The following CCDC185 variants were observed in gnomAD, a reference collection of about 807,000 sequenced individuals.
CCDC185 encodes coiled-coil domain containing 185.
For synonymous variants in CCDC185, 381 were observed against 348.1 expected, an observed-to-expected ratio of 1.09 and a Z score of -1.05; for missense variants, 982 against 825.3, an observed-to-expected ratio of 1.19 and a Z score of -2.33.
rs1173730581 is a variant in CCDC185 at position 223,394,460 on chromosome 1, G to A, written c.985G>A (p.Gly329Ser). ...RKTLQSPEQRGLRRDSQRKNV... is the reference protein window; with the variant it reads ...RKTLQSPEQRSLRRDSQRKNV... ...GACCCTCCAGAGCCCTGAGCAGCGC[G>A]GCCTGCGGCGGGACAGCCAGAGGAA... The change falls in exon 1 of 1, where the codon GGC (glycine) becomes AGC (serine). Residue 329 changes from glycine (G) to serine (S), a missense_variant. Transcript: ENST00000366875. The A allele has an allele frequency of 1.2e-5, 19 of 1,571,926 alleles. No individual in the cohort carries two copies. Among genetic ancestry groups the A allele is most frequent in the African/African-American group, 6.8e-5 (5 of 73,978 alleles).
rs1669641464 is a variant in CCDC185 at position 223,394,899 on chromosome 1, G to A, written c.1424G>A (p.Arg475Lys). 3 of 1,614,204 alleles carry A rather than the reference G, an allele frequency of 1.9e-6. No individual in the cohort carries two copies. Among genetic ancestry groups the A allele is most frequent in the Admixed American group, 1.7e-5 (1 of 60,036 alleles). Reference sequence around the variant, plus strand: ...AGGAAGGAGCGGCAACGCGAGCTGAGGGAGAAGGCCCAGAAGGAGGAAGAG... The same window carrying A: ...AGGAAGGAGCGGCAACGCGAGCTGAAGGAGAAGGCCCAGAAGGAGGAAGAG... ...GLRKERQREL[R>K]EKAQKEEEQL... The change falls in exon 1 of 1, where the codon AGG becomes AAG. Residue 475 changes from arginine to lysine, a missense_variant. Coordinates refer to ENST00000366875, the MANE Select transcript of CCDC185 (RefSeq NM_152610.3).
rs1234809715 is a variant in CCDC185, at chr1:223,393,748, G to T, written c.273G>T (p.Arg91Ser). 1.3e-6 allele frequency: 2 copies of T among 1,565,120 alleles called. No homozygotes were observed. Among genetic ancestry groups the T allele is most frequent in the African/African-American group, 1.4e-5 (1 of 73,882 alleles). The change falls in exon 1 of 1, where the codon AGG (arginine) becomes AGT (serine). Residue 91 changes from arginine to serine, a missense_variant. Coordinates refer to ENST00000366875, the MANE Select transcript of CCDC185 (RefSeq NM_152610.3). This position sits in a 1 kb window ranked among gnomAD's most constrained non-coding sequence, Gnocchi z 4.8. ...GSRSLSDVARRPLERSRKHRP... is the reference protein window; with the variant it reads ...GSRSLSDVARSPLERSRKHRP... The stretch of plus-strand genomic sequence containing the variant: ...GAAGCCTGAGCGATGTGGCCCGCAG[G>T]CCCCTGGAACGTTCCAGGAAGCACC...
rs144726511 is a variant in CCDC185 at position 223,394,907 on chromosome 1, G to A, written c.1432G>A (p.Ala478Thr). The stretch of plus-strand genomic sequence containing the variant: ...GCGGCAACGCGAGCTGAGGGAGAAG[G>A]CCCAGAAGGAGGAAGAGCAGTTGCA... The part of the protein sequence containing the change: ...KERQRELREK[A>T]QKEEEQLQQA... Residue 478 changes from alanine (A) to threonine (T), a missense_variant, in exon 1 of 1, where the codon GCC becomes ACC. Ala to Thr is a moderately conservative substitution (Grantham distance 58, BLOSUM62 0). Transcript: ENST00000366875. 2 of 1,614,202 alleles carry A rather than the reference G, an allele frequency of 1.2e-6. No homozygotes were observed. Among genetic ancestry groups the A allele is most frequent in the Non-Finnish European group, 8.5e-7 (1 of 1,180,042 alleles).
rs1669650432 is a variant in CCDC185 at position 223,395,276 on chromosome 1, C to G, written c.1801C>G (p.Pro601Ala). ...QASRREERAP[P>A]NSSLDQMVLE... ...CTCCAGGAGAGAGGAGAGAGCGCCT[C>G]CCAACAGCTCCCTTGATCAGATGGT... Residue 601 changes from proline to alanine, a missense_variant, in exon 1 of 1, where the codon CCC becomes GCC. Pro to Ala is a conservative substitution (Grantham distance 27). Transcript: ENST00000366875. The G allele has an allele frequency of 2.5e-6, 4 of 1,568,754 alleles. No individual in the cohort carries two copies. The highest frequency in any genetic ancestry group is 2.6e-6 in the Non-Finnish European group (3 of 1,162,066).
In CCDC185 at chr1:223,395,231, T is replaced by A; in HGVS notation, c.1756T>A (p.Phe586Ile). The A allele has an allele frequency of 6.2e-7, 1 of 1,610,292 alleles. No homozygotes were observed. Among genetic ancestry groups the A allele is most frequent in the Non-Finnish European group, 8.5e-7 (1 of 1,178,774 alleles). Reference sequence around the variant, plus strand: ...AGGGAAAGACCCAAACTTCCAGGAGTTCCAGAAGCTCCCTCAGGCCTCCAG... The same window carrying A: ...AGGGAAAGACCCAAACTTCCAGGAGATCCAGAAGCTCCCTCAGGCCTCCAG... ...SQGKDPNFQE[F>I]QKLPQASRRE... Residue 586 changes from phenylalanine to isoleucine, a missense_variant, in exon 1 of 1, where the codon TTC (phenylalanine) becomes ATC (isoleucine). Transcript: ENST00000366875.
chr1:223,395,280 A>G lies in CCDC185; in HGVS notation c.1805A>G (p.Asn602Ser). 6.4e-7 allele frequency: 1 copy of G among 1,567,542 alleles called. No homozygotes were observed. Among genetic ancestry groups the G allele is most frequent in the Non-Finnish European group, 8.6e-7 (1 of 1,161,496 alleles). Residue 602 changes from asparagine (N) to serine (S), a missense_variant, in exon 1 of 1, where the codon AAC becomes AGC. By Grantham distance (46) the Asn-to-Ser change is conservative (BLOSUM62 1). Coordinates refer to ENST00000366875, the MANE Select transcript of CCDC185 (RefSeq NM_152610.3). The stretch of plus-strand genomic sequence containing the variant: ...AGGAGAGAGGAGAGAGCGCCTCCCA[A>G]CAGCTCCCTTGATCAGATGGTACTA... ...ASRREERAPP[N>S]SSLDQMVLEA...
chr1:223,393,762 C>T lies in CCDC185; in HGVS notation c.287C>T (p.Ser96Phe), dbSNP rs768406969. 11 of 1,564,610 alleles carry T rather than the reference C, an allele frequency of 7.0e-6. No homozygotes were observed. In the East Asian group the frequency reaches 2.1e-4, roughly 31 times the overall value. The stretch of plus-strand genomic sequence containing the variant: ...GTGGCCCGCAGGCCCCTGGAACGTT[C>T]CAGGAAGCACCGGCCCCGCAGCAGG... ...SDVARRPLER[S>F]RKHRPRSRRL... The change falls in exon 1 of 1, where the codon TCC becomes TTC. Residue 96 changes from serine to phenylalanine, a missense_variant. Physicochemically the swap from Ser to Phe is radical, Grantham distance 155. Coordinates refer to ENST00000366875, the MANE Select transcript of CCDC185 (RefSeq NM_152610.3). The surrounding 1 kb of genome is among the most constrained non-coding windows in gnomAD (Gnocchi z 4.8).
chr1:223,394,296 G>A lies in CCDC185; in HGVS notation c.821G>A (p.Arg274Gln), dbSNP rs1330156661. 3.7e-6 allele frequency: 6 copies of A among 1,612,804 alleles called. No homozygotes were observed. Among genetic ancestry groups the A allele is most frequent in the African/African-American group, 2.7e-5 (2 of 75,040 alleles). The change falls in exon 1 of 1, where the codon CGG becomes CAG. Residue 274 changes from arginine (R) to glutamine (Q), a missense_variant. Coordinates refer to ENST00000366875, the MANE Select transcript of CCDC185 (RefSeq NM_152610.3). Reference sequence around the variant, plus strand: ...CGTCTCAAGAAGGCCCAGAGGATACGGGAGCTGCAGCAGCAGGCGGCTAAG... The same window carrying A: ...CGTCTCAAGAAGGCCCAGAGGATACAGGAGCTGCAGCAGCAGGCGGCTAAG... ...LTRLKKAQRIRELQQQAAKAW... is the reference protein window; with the variant it reads ...LTRLKKAQRIQELQQQAAKAW...
In CCDC185 at chr1:223,394,383, G is replaced by T; in HGVS notation, c.908G>T (p.Arg303Leu). 6.4e-7 allele frequency: 1 copy of T among 1,571,622 alleles called. No homozygotes were observed. ...KVQMTLERER[R>L]LLLRQSQEQW... ...CAGATGACCCTGGAGCGGGAGCGCC[G>T]GCTGCTGCTGCGGCAGAGCCAGGAG... Residue 303 changes from arginine to leucine, a missense_variant, in exon 1 of 1, where the codon CGG becomes CTG. Arg to Leu is a moderately radical substitution (Grantham distance 102). Coordinates refer to ENST00000366875, the MANE Select transcript of CCDC185 (RefSeq NM_152610.3).
rs1669595921 is a variant in CCDC185, at chr1:223,393,418, G to GCGTCCT, written c.-55_-50dup. The GCGTCCT allele has an allele frequency of 7.2e-7, 1 of 1,390,744 alleles. No individual in the cohort carries two copies. The highest frequency in any genetic ancestry group is 1.5e-5 in the African/African-American group (1 of 65,170). The allele number at this position is 1,390,744 out of a possible 1,614,324, so 86.2% of individuals were successfully genotyped here. ...CCGGGGGGCAGGGCGGGTGTCTGCA[G>GCGTCCT]CGTCCTCGGGAGGTCTCAGGCCCCT... On this transcript the variant is annotated 5_prime_UTR_variant, in exon 1 of 1. Coordinates refer to ENST00000366875, the MANE Select transcript of CCDC185 (RefSeq NM_152610.3). The surrounding 1 kb of genome is among the most constrained non-coding windows in gnomAD (Gnocchi z 4.8).
At position 223,394,378 on chromosome 1, in the gene CCDC185, G is replaced by T. The variant is rs1220583136; in HGVS notation, c.903G>T (p.Glu301Asp). ...DQKVQMTLER[E>D]RRLLLRQSQE... ...AGGTCCAGATGACCCTGGAGCGGGA[G>T]CGCCGGCTGCTGCTGCGGCAGAGCC... Residue 301 changes from glutamate to aspartate, a missense_variant, in exon 1 of 1, where the codon GAG (glutamate) becomes GAT (aspartate). Physicochemically the swap from Glu to Asp is conservative, Grantham distance 45. Transcript: ENST00000366875. 2.5e-6 allele frequency: 4 copies of T among 1,572,974 alleles called. No individual in the cohort carries two copies. The highest frequency in any genetic ancestry group is 3.8e-5 in the Admixed American group (2 of 53,038).
Position 223,394,032 on chromosome 1 carries a change from C to T in CCDC185, c.557C>T (p.Ser186Phe), listed in dbSNP as rs1669611313. The change falls in exon 1 of 1, where the codon TCC (serine) becomes TTC (phenylalanine). Residue 186 changes from serine to phenylalanine, a missense_variant. Coordinates refer to ENST00000366875, the MANE Select transcript of CCDC185 (RefSeq NM_152610.3). ...AGACATCTAGGTCGCTGGTCCCCTT[C>T]CTCAGTTCCCTCGGAGCGGTCTTCT... ...LGRHLGRWSP[S>F]SVPSERSSVP... 6.2e-7 allele frequency: 1 copy of T among 1,614,168 alleles called. No individual in the cohort carries two copies. Among genetic ancestry groups the T allele is most frequent in the Non-Finnish European group, 8.5e-7 (1 of 1,180,038 alleles).
chr1:223,393,653 C>T lies in CCDC185; in HGVS notation c.178C>T (p.Leu60=). ...GGAGAGCGAAGCTGGGGCGTGCTGGCTGCACCCGCACTGTTCGTTCACCCC... is the reference window on the plus strand; with the variant it reads ...GGAGAGCGAAGCTGGGGCGTGCTGGTTGCACCCGCACTGTTCGTTCACCCC... ...GAESEAGACW[L]HPHCSFTPRP... Residue 60 remains leucine (L), a synonymous_variant, in exon 1 of 1, where the codon CTG becomes TTG. Coordinates refer to ENST00000366875, the MANE Select transcript of CCDC185 (RefSeq NM_152610.3). The surrounding 1 kb of genome is among the most constrained non-coding windows in gnomAD (Gnocchi z 4.8). The T allele has an allele frequency of 6.5e-7, 1 of 1,542,780 alleles. No individual in the cohort carries two copies. Among genetic ancestry groups the T allele is most frequent in the Non-Finnish European group, 8.7e-7 (1 of 1,147,970 alleles).
chr1:223,394,994 G>C lies in CCDC185; in HGVS notation c.1519G>C (p.Val507Leu), dbSNP rs2102630007. Residue 507 changes from valine to leucine, a missense_variant, in exon 1 of 1, where the codon GTG (valine) becomes CTG (leucine). Val to Leu is a conservative substitution (Grantham distance 32, BLOSUM62 1). Transcript: ENST00000366875. ...GAGGAAGATGCGCAAAAGAATTCTG[G>C]TGGAGCTGGCGGATGAGAAGATCCG... Reference protein sequence around the residue: ...EQRKMRKRILVELADEKIRQA... With the variant: ...EQRKMRKRILLELADEKIRQA... 1 of 1,614,108 alleles carries C rather than the reference G, an allele frequency of 6.2e-7. No individual in the cohort carries two copies. Among genetic ancestry groups the C allele is most frequent in the Non-Finnish European group, 8.5e-7 (1 of 1,180,012 alleles).
At position 223,395,318 on chromosome 1, in the gene CCDC185, C is replaced by T. The variant is rs112123353; in HGVS notation, c.1843C>T (p.Arg615Cys). The T allele has an allele frequency of 8.9e-4, 1,363 of 1,523,708 alleles. 11 individuals carry two copies. In the Admixed American group the frequency reaches 0.018, roughly 21 times the overall value. 94.4% of individuals were successfully genotyped at this position (1,523,708 alleles called of 1,614,324 possible). A position where few individuals can be genotyped will look rare whatever the true frequency, so the allele number is the denominator to read the frequency against. ...LDQMVLEAQL[R>C]ACQQNRGY ...TCAGATGGTACTAGAGGCCCAGCTCCGTGCCTGTCAGCAGAACAGGGGTTA... is the reference window on the plus strand; with the variant it reads ...TCAGATGGTACTAGAGGCCCAGCTCTGTGCCTGTCAGCAGAACAGGGGTTA... Residue 615 changes from arginine (R) to cysteine (C), a missense_variant, in exon 1 of 1, where the codon CGT becomes TGT. By Grantham distance (180) the Arg-to-Cys change is radical. Coordinates refer to ENST00000366875, the MANE Select transcript of CCDC185 (RefSeq NM_152610.3).
rs1307945570 is a variant in CCDC185, at chr1:223,393,539, G to A, written c.64G>A (p.Gly22Ser). 3 of 1,555,546 alleles carry A rather than the reference G, an allele frequency of 1.9e-6. No individual in the cohort carries two copies. Among genetic ancestry groups the A allele is most frequent in the African/African-American group, 2.8e-5 (2 of 71,628 alleles). The change falls in exon 1 of 1, where the codon GGC becomes AGC. Residue 22 changes from glycine to serine, a missense_variant. Gly to Ser is a moderately conservative substitution (Grantham distance 56). Coordinates refer to ENST00000366875, the MANE Select transcript of CCDC185 (RefSeq NM_152610.3). The surrounding 1 kb of genome is among the most constrained non-coding windows in gnomAD (Gnocchi z 4.8). The part of the protein sequence containing the change: ...YRDLWEPPRP[G>S]GERESTQRLG... Reference sequence around the variant, plus strand: ...GGATCTCTGGGAACCCCCGCGGCCCGGCGGAGAACGAGAGTCCACGCAGCG... The same window carrying A: ...GGATCTCTGGGAACCCCCGCGGCCCAGCGGAGAACGAGAGTCCACGCAGCG...
chr1:223,394,492 G>GC, the CCDC185 span: 3 of 1,581,516 alleles, frequency 1.9e-6, no homozygotes, highest in South Asian at 1.1e-5. Context: ...GGAAGAACGT[G>GC]CCCCCGGGGG....
chr1:223,395,284 C>T lies in CCDC185; in HGVS notation c.1809C>T (p.Ser603=). 3.2e-6 allele frequency: 5 copies of T among 1,560,004 alleles called. No homozygotes were observed. The change falls in exon 1 of 1, where the codon AGC becomes AGT. Residue 603 remains serine (S), a synonymous_variant. Coordinates refer to ENST00000366875, the MANE Select transcript of CCDC185 (RefSeq NM_152610.3). The part of the protein sequence containing the change: ...SRREERAPPN[S]SLDQMVLEAQ... The stretch of plus-strand genomic sequence containing the variant: ...GAGAGGAGAGAGCGCCTCCCAACAG[C>T]TCCCTTGATCAGATGGTACTAGAGG...
Position 223,395,314 on chromosome 1 carries a change from G to A in CCDC185, c.1839G>A (p.Gln613=). 6.6e-7 allele frequency: 1 copy of A among 1,525,624 alleles called. No homozygotes were observed. The highest frequency in any genetic ancestry group is 1.4e-5 in the African/African-American group (1 of 71,930). The allele number at this position is 1,525,624 out of a possible 1,614,324, so 94.5% of individuals were successfully genotyped here. ...TTGATCAGATGGTACTAGAGGCCCA[G>A]CTCCGTGCCTGTCAGCAGAACAGGG... ...SSLDQMVLEA[Q]LRACQQNRGY is the part of the protein sequence containing the mutation. The change falls in exon 1 of 1, where the codon CAG becomes CAA. Residue 613 remains glutamine (Q), a synonymous_variant. Coordinates refer to ENST00000366875, the MANE Select transcript of CCDC185 (RefSeq NM_152610.3).
Sources: allele counts gnomAD v4.1 joint callset, GRCh38; gene constraint gnomAD v4.1.1; non-coding constraint Gnocchi (gnomAD v3.1); transcripts MANE v1.5; gene names NCBI Gene and HGNC (gene_info 2026-07-23, HGNC 2026-07-21).